Variants in PRIM2 observed in about 807,000 individuals in gnomAD.
PRIM2 encodes DNA primase subunit 2, also known as DNA primase large subunit.
A neutral mutation model predicts 67.3 loss-of-function variants in PRIM2; 39 were observed. The ratio of observed to expected loss-of-function variants is 0.58; its 90% CI spans 0.45 to 0.76. PRIM2 has a LOEUF of 0.76. PRIM2 is among the 30% of genes least tolerant of loss of function. PRIM2 has a pLI of 0.00. For missense variants in PRIM2, 398 were observed against 598.7 expected, an observed-to-expected ratio of 0.66 and a Z score of 3.50; for synonymous variants, 143 against 198.7, an observed-to-expected ratio of 0.72 and a Z score of 2.36.
intron 10 of PRIM2, among the ~76,000 whole-genome samples, chr6:57,549,050 A>T (rs1487321983): frequency 5.9e-5 from 9 of 152,224 alleles, no homozygotes; most frequent in Non-Finnish European, 1.5e-5. Context: ...CTTAGGAGAT[A>T]AGTATTATTT....
At chr6:57,249,832 A>G in the PRIM2 span, among the ~76,000 whole-genome samples, 1 of 152,236 alleles carries the variant, frequency 6.6e-6, no homozygotes, top group African/African-American at 2.4e-5. Flanking sequence ...GAGATGGCAC[A>G]CTGAGTTTAA....
intron 11 of PRIM2, among the ~76,000 whole-genome samples, chr6:57,604,943 G>A (rs1776532958): frequency 6.6e-6 from 1 of 152,216 alleles, no homozygotes; most frequent in African/African-American, 2.4e-5. Flanking sequence ...GCCCGCCTCG[G>A]CTTTCCAAAG....
At chr6:57,544,191 G>A (rs1176395524) in intron 10 of PRIM2, among the ~76,000 whole-genome samples, 21,867 of 151,918 alleles carry the variant, frequency 0.14, 2,537 homozygotes, top group African/African-American at 0.32. Context: ...ATTGGTGAGA[G>A]AGCTTGGAAT....
chr6:57,345,506 G>GTGTGTGTGTGTGTGTACA (rs369673115), intron 5 of PRIM2, among the ~76,000 whole-genome samples: 9,307 of 121,174 alleles, frequency 0.077, 449 homozygotes, highest in African/African-American at 0.1. Context: ...GTGTGTGTGT[G>GTGTGTGTGTGTGTGTACA]TACATACATA....
At chr6:57,508,012 C>T (rs1217288364) in intron 8 of PRIM2, among the ~76,000 whole-genome samples, 12 of 152,220 alleles carry the variant, frequency 7.9e-5, no homozygotes, top group African/African-American at 2.7e-4. Context: ...TCTCCGCTCA[C>T]TGCAACCTCT....
chr6:57,472,149 G>T (rs1187019114), intron 7 of PRIM2, among the ~76,000 whole-genome samples: 2 of 152,094 alleles, frequency 1.3e-5, no homozygotes, highest in African/African-American at 4.8e-5. Flanking sequence ...GTGCACTTTG[G>T]CTGGGCGCGG....
chr6:57,490,026 G>A lies in PRIM2; in HGVS notation c.694-17361G>A, dbSNP rs1554345831. On this transcript the variant is annotated intron_variant, in intron 7 of 13. Transcript: ENST00000615550. ...CCTGCCCCTTGCCACAGAAGTTGGTGTTAGTTGGGTTATTTCAGGGCAGCA... is the reference window on the plus strand; with the variant it reads ...CCTGCCCCTTGCCACAGAAGTTGGTATTAGTTGGGTTATTTCAGGGCAGCA... Among the ~76,000 whole-genome samples the A allele has an allele frequency of 4.2e-4, 64 of 151,396 alleles. No homozygotes were observed. In the South Asian group the frequency reaches 9.8e-3, roughly 23 times the overall value.
chr6:57,353,652 A>C (rs1768928900), intron 5 of PRIM2, among the ~76,000 whole-genome samples: 1 of 152,192 alleles, frequency 6.6e-6, no homozygotes, highest in African/African-American at 2.4e-5. Flanking sequence ...GTAGATTACT[A>C]TCGGTAGTCT....
intron 7 of PRIM2, among the ~76,000 whole-genome samples, chr6:57,451,655 G>GC (rs1772554691): frequency 6.6e-6 from 1 of 152,080 alleles, no homozygotes; most frequent in Admixed American, 6.6e-5. Context: ...TGAAGGCAGT[G>GC]CTAGAGTATG....
At chr6:57,394,841 T>A (rs570446331) in intron 7 of PRIM2, among the ~76,000 whole-genome samples, 1 of 152,272 alleles carries the variant, frequency 6.6e-6, no homozygotes, top group South Asian at 2.1e-4. Flanking sequence ...GTCCCTTGTA[T>A]GCTGATTTTG....
chr6:57,274,649 T>C, the PRIM2 span, among the ~76,000 whole-genome samples: 1 of 152,236 alleles, frequency 6.6e-6, no homozygotes, highest in Non-Finnish European at 1.5e-5. Flanking sequence ...ACCCACTCAC[T>C]GTCTGGCACA....
intron 7 of PRIM2, among the ~76,000 whole-genome samples, chr6:57,392,320 G>A (rs1770378903): frequency 1.3e-5 from 2 of 151,976 alleles, no homozygotes; most frequent in Non-Finnish European, 2.9e-5. Flanking sequence ...CTGCAAACAG[G>A]GATAGTTTGA....
chr6:57,246,791 C>G, the PRIM2 span, among the ~76,000 whole-genome samples: 2 of 152,050 alleles, frequency 1.3e-5, no homozygotes, highest in Admixed American at 6.6e-5. Context: ...CTGCCAGTTT[C>G]TGCATCTGCC....
At chr6:57,382,387 A>G in intron 7 of PRIM2, 1 of 405,556 alleles carries the variant, frequency 2.5e-6, no homozygotes, top group South Asian at 6.2e-5. Flanking sequence ...GATCCTACTA[A>G]TACCAATGCT....
chr6:57,546,565 A>C (rs1775294294), intron 10 of PRIM2, among the ~76,000 whole-genome samples: 1 of 152,084 alleles, frequency 6.6e-6, no homozygotes, highest in Non-Finnish European at 1.5e-5. Flanking sequence ...TTTTAATAAA[A>C]TAATTTTACA....
In PRIM2 at chr6:57,497,201, C is replaced by CAT. The variant is rs1340106428; in HGVS notation, c.694-10184_694-10183dup. On this transcript the variant is annotated intron_variant, in intron 7 of 13. Coordinates refer to ENST00000615550, the MANE Select transcript of PRIM2 (RefSeq NM_000947.5). The stretch of plus-strand genomic sequence containing the variant: ...CATTAAAAGAAGTTGATGGTTAGGG[C>CAT]ATAAAGGTTACCTGTTGTTCACCCT... 3.0e-4 allele frequency among the ~76,000 whole-genome samples: 45 copies of CAT among 152,250 alleles called. 1 individual carries two copies. The East Asian group carries it at 6.8e-3, about 23-fold the overall frequency.
At chr6:57,360,253 AAATG>A (rs1377880892) in intron 5 of PRIM2, among the ~76,000 whole-genome samples, 3 of 152,222 alleles carry the variant, frequency 2.0e-5, no homozygotes, top group African/African-American at 7.2e-5. Context: ...AGGTATAAAT[AAATG>A]AATGAAACAA....
the PRIM2 span, among the ~76,000 whole-genome samples, chr6:57,278,310 G>C: frequency 6.6e-6 from 1 of 152,018 alleles, no homozygotes; most frequent in African/African-American, 2.4e-5. Context: ...CTGGGTGATA[G>C]AGCGAGACTG....
chr6:57,452,615 A>G (rs1193379517), intron 7 of PRIM2, among the ~76,000 whole-genome samples: 2 of 152,130 alleles, frequency 1.3e-5, no homozygotes, highest in Non-Finnish European at 2.9e-5. Flanking sequence ...TCCTTTGCCC[A>G]CTTGTTGATG....
Sources: gnomAD v4.1 joint callset for allele counts (sites outside exome capture counted in the v4.1 genomes callset) on GRCh38, gnomAD v4.1.1 for gene constraint, MANE v1.5 for transcripts, NCBI Gene and HGNC (gene_info 2026-07-23, HGNC 2026-07-21) for gene names.